The following GALNT13 variants were observed in gnomAD, a reference collection of about 807,000 sequenced individuals.
The protein encoded by GALNT13 is polypeptide N-acetylgalactosaminyltransferase 13, also known as UDP-GalNAc:polypeptide N-acetylgalactosaminyltransferase 13.
Under a neutral mutation model 64.2 loss-of-function variants are expected in GALNT13, and 28 were observed. The observed-to-expected ratio is 0.44, with a 90% CI of 0.32 to 0.60. GALNT13 has a LOEUF of 0.60. Among genes scored for constraint, GALNT13 ranks in the 20% least tolerant of loss-of-function variants. GALNT13 has a pLI of 0.05. For synonymous variants in GALNT13, 214 were observed against 224.6 expected (o/e 0.95, Z 0.42); for missense variants, 577 against 669.8 (o/e 0.86, Z 1.53).
chr2:154,270,747 C>T (rs887413754), intron 8 of GALNT13, among the ~76,000 whole-genome samples: 3 of 151,712 alleles, frequency 2.0e-5, no homozygotes, highest in Admixed American at 2.0e-4. Flanking sequence ...TTCTGAAAGG[C>T]ATTGCCCAGT....
At chr2:153,710,512 CA>C in the GALNT13 span, among the ~76,000 whole-genome samples, 25 of 152,232 alleles carry the variant, frequency 1.6e-4, no homozygotes, top group Non-Finnish European at 3.1e-4. Flanking sequence ...ATGTCGAGAA[CA>C]ACTGGTGTAA....
chr2:153,575,044 G>T, the GALNT13 span, among the ~76,000 whole-genome samples: 2 of 152,128 alleles, frequency 1.3e-5, no homozygotes, highest in African/African-American at 2.4e-5. Context: ...AAGGACTTGA[G>T]TGTTGTGAAC....
At chr2:153,289,990 C>T in the GALNT13 span, among the ~76,000 whole-genome samples, 2 of 152,274 alleles carry the variant, frequency 1.3e-5, no homozygotes, top group Admixed American at 1.3e-4. Flanking sequence ...TGGCCAAAGG[C>T]AGGTTGCTTA....
chr2:153,558,216 G>A, the GALNT13 span, among the ~76,000 whole-genome samples: 4 of 152,072 alleles, frequency 2.6e-5, no homozygotes, highest in East Asian at 1.9e-4. Context: ...CTAACCCTCG[G>A]TGCAAACAGC....
At chr2:153,190,745 C>T in the GALNT13 span, among the ~76,000 whole-genome samples, 10 of 151,872 alleles carry the variant, frequency 6.6e-5, no homozygotes, top group Middle Eastern at 3.4e-3. Context: ...ATGGTCTCTT[C>T]GATTTCTTTC....
the GALNT13 span, among the ~76,000 whole-genome samples, chr2:153,727,729 C>CTT: frequency 1.1e-4 from 17 of 148,634 alleles, no homozygotes; most frequent in South Asian, 8.5e-4. Context: ...CACTTTTTTT[C>CTT]TTTTTTTTTT....
the GALNT13 span, among the ~76,000 whole-genome samples, chr2:153,675,550 G>C: frequency 2.6e-5 from 4 of 152,024 alleles, no homozygotes; most frequent in Admixed American, 6.6e-5. Context: ...GTTGGCAGGT[G>C]GGGGGCTGGG....
the GALNT13 span, among the ~76,000 whole-genome samples, chr2:153,211,211 C>T: frequency 2.0e-5 from 3 of 151,592 alleles, no homozygotes; most frequent in African/African-American, 7.3e-5. Context: ...GGCATGATCT[C>T]GGCTCACTGC....
At chr2:153,463,499 C>G in the GALNT13 span, among the ~76,000 whole-genome samples, 2 of 152,030 alleles carry the variant, frequency 1.3e-5, no homozygotes, top group African/African-American at 4.8e-5. Flanking sequence ...TATAGCCAAA[C>G]AAAGTCACTA....
chr2:153,447,591 A>G, the GALNT13 span, among the ~76,000 whole-genome samples: 11 of 152,328 alleles, frequency 7.2e-5, no homozygotes, highest in African/African-American at 2.4e-4. Context: ...TAGCCTATGC[A>G]TATGCCTTAC....
At chr2:153,635,411 T>TACAC in the GALNT13 span, among the ~76,000 whole-genome samples, 1 of 147,348 alleles carries the variant, frequency 6.8e-6, no homozygotes, top group Non-Finnish European at 1.5e-5. Context: ...TATATATATA[T>TACAC]ATATACACAT....
chr2:154,426,891 A>G (rs992344117), intron 11 of GALNT13, among the ~76,000 whole-genome samples: 1 of 152,166 alleles, frequency 6.6e-6, no homozygotes, highest in Non-Finnish European at 1.5e-5. Flanking sequence ...TTTCATTTCA[A>G]TTCAATTCAT....
the GALNT13 span, among the ~76,000 whole-genome samples, chr2:153,727,450 C>G: frequency 6.6e-6 from 1 of 152,044 alleles, no homozygotes; most frequent in Non-Finnish European, 1.5e-5. Flanking sequence ...CATGAACGTT[C>G]AAGTGTACAC....
chr2:153,091,479 T>C, the GALNT13 span, among the ~76,000 whole-genome samples: 2 of 152,196 alleles, frequency 1.3e-5, no homozygotes. Context: ...CTTGCCTGTT[T>C]CACAGAATTT....
the GALNT13 span, among the ~76,000 whole-genome samples, chr2:153,479,353 A>G: frequency 2.0e-5 from 3 of 152,160 alleles, no homozygotes; most frequent in Non-Finnish European, 4.4e-5. Context: ...AGGAAGGAAG[A>G]AAGGAAGGAA....
At chr2:153,695,374 C>G in the GALNT13 span, among the ~76,000 whole-genome samples, 2 of 152,190 alleles carry the variant, frequency 1.3e-5, no homozygotes, top group African/African-American at 4.8e-5. Context: ...GCCTAACTTG[C>G]AAACAGGCCT....
intron 3 of GALNT13, among the ~76,000 whole-genome samples, chr2:154,017,867 A>G (rs531881072): frequency 2.2e-4 from 33 of 152,318 alleles, no homozygotes; most frequent in Admixed American, 7.2e-4. Flanking sequence ...AAGATCTGAA[A>G]TGAGTTTTAG....
chr2:153,230,759 C>T, the GALNT13 span, among the ~76,000 whole-genome samples: 11 of 152,020 alleles, frequency 7.2e-5, no homozygotes, highest in Admixed American at 4.6e-4. Flanking sequence ...CTTTATTTTC[C>T]CCTTCTATTC....
At chr2:154,425,735 G>A (rs943021328) in intron 11 of GALNT13, among the ~76,000 whole-genome samples, 1 of 152,152 alleles carries the variant, frequency 6.6e-6, no homozygotes, top group African/African-American at 2.4e-5. Context: ...GATAACACTC[G>A]GTTAGATGTA....
Sources: allele counts gnomAD v4.1 joint callset (sites outside exome capture counted in the v4.1 genomes callset), GRCh38; gene constraint gnomAD v4.1.1; transcripts MANE v1.5; gene names NCBI Gene and HGNC (gene_info 2026-07-23, HGNC 2026-07-21).